The following AKAP3 variants were observed in gnomAD, a reference collection of about 807,000 sequenced individuals.
AKAP3 encodes the protein A-kinase anchoring protein 3.
Under a neutral mutation model 57.2 loss-of-function variants are expected in AKAP3, and 27 were observed. The observed-to-expected ratio is 0.47, with a 90% CI of 0.35 to 0.65. AKAP3 has a LOEUF of 0.65. AKAP3 is among the 30% of genes least tolerant of loss of function. AKAP3 has a pLI of 0.01. For synonymous variants in AKAP3, 334 were observed against 392.3 expected (o/e 0.85, Z 1.76); for missense variants, 959 against 1,040.0 (o/e 0.92, Z 1.07).
chr12:4,632,904 T>C (rs1257421781), intron 4 of AKAP3, among the ~76,000 whole-genome samples: 4 of 152,254 alleles, frequency 2.6e-5, no homozygotes, highest in African/African-American at 9.6e-5. Flanking sequence ...CCTCCCAAAG[T>C]GCTGGGATTA....
At chr12:4,636,776 A>G (rs10774252) in intron 4 of AKAP3, among the ~76,000 whole-genome samples, 37,666 of 152,068 alleles carry the variant, frequency 0.25, 5,543 homozygotes, top group South Asian at 0.43. Flanking sequence ...TTTTGAGACA[A>G]GGTCTCACTG....
At position 4,628,322 on chromosome 12, in the gene AKAP3, T is replaced by C. The variant is rs139111565; in HGVS notation, c.580A>G (p.Lys194Glu). ...ACTCTGTCTCCAGAGCCAGGAGCCT[T>C]GTCTGGGGCAGCATTCCTGGAACAT... ...SACSRNAAPD[K>E]APGSGDRVSG... The change falls in exon 5 of 6, where the codon AAG becomes GAG. Residue 194 changes from lysine to glutamate, a missense_variant. Physicochemically the swap from Lys to Glu is moderately conservative, Grantham distance 56. Coordinates refer to ENST00000228850, the MANE Select transcript of AKAP3 (RefSeq NM_001278309.2). 79 of 1,614,056 alleles carry C rather than the reference T, an allele frequency of 4.9e-5. 1 individual carries two copies. The African/African-American group carries it at 8.8e-4, about 18-fold the overall frequency.
rs374071910 is a variant in AKAP3, at chr12:4,627,981, T to C, written c.921A>G (p.Gln307=). The C allele has an allele frequency of 7.2e-5, 117 of 1,613,938 alleles. No homozygotes were observed. Among genetic ancestry groups the C allele is most frequent in the Non-Finnish European group, 9.6e-5 (113 of 1,180,002 alleles). The change falls in exon 5 of 6, where the codon CAA becomes CAG. Residue 307 remains glutamine, a synonymous_variant. Coordinates refer to ENST00000228850, the MANE Select transcript of AKAP3 (RefSeq NM_001278309.2). ...MVSIMKTLKI[Q]VKDTTIATIL... Reference sequence around the variant, plus strand: ...TGGTGGCAATGGTTGTGTCTTTCACTTGGATCTTCAGTGTCTTCATGATGG... The same window carrying C: ...TGGTGGCAATGGTTGTGTCTTTCACCTGGATCTTCAGTGTCTTCATGATGG...
intron 4 of AKAP3, among the ~76,000 whole-genome samples, chr12:4,636,957 G>C (rs1004269864): frequency 6.6e-6 from 1 of 151,890 alleles, no homozygotes; most frequent in Non-Finnish European, 1.5e-5. Flanking sequence ...TGTTGCCTGG[G>C]CTGGTCTCCA....
chr12:4,643,424 G>A (rs529871726), intron 2 of AKAP3, among the ~76,000 whole-genome samples: 1 of 151,970 alleles, frequency 6.6e-6, no homozygotes, highest in African/African-American at 2.4e-5. Flanking sequence ...TTAAAAGCTG[G>A]TAAATAATAT....
At chr12:4,619,968 A>G (rs1945326702) in intron 5 of AKAP3, among the ~76,000 whole-genome samples, 1 of 152,272 alleles carries the variant, frequency 6.6e-6, no homozygotes, top group African/African-American at 2.4e-5. Flanking sequence ...AGGCAAATTT[A>G]TAATGATGGA....
intron 3 of AKAP3, among the ~76,000 whole-genome samples, chr12:4,641,454 TC>T (rs1945636934): frequency 6.6e-6 from 1 of 152,212 alleles, no homozygotes. Flanking sequence ...CCTCAAGTGA[TC>T]CGCCAGCCTT....
At chr12:4,642,612 C>T (rs1382836492) in intron 2 of AKAP3, among the ~76,000 whole-genome samples, 1 of 152,190 alleles carries the variant, frequency 6.6e-6, no homozygotes, top group Non-Finnish European at 1.5e-5. Flanking sequence ...TCAAGGGCTA[C>T]CCCATCCATG....
In AKAP3 at chr12:4,627,030, T is replaced by C; in HGVS notation, c.1872A>G (p.Glu624=). Residue 624 remains glutamate, a synonymous_variant, in exon 5 of 6, where the codon GAA becomes GAG. Transcript: ENST00000228850. The part of the protein sequence containing the change: ...EPKVPEQPVK[E]DRKLCERPLA... ...ACGGTCTTTCACACAACTTCCTATC[T>C]TCCTTAACTGGCTGTTCCGGCACCT... is the stretch of plus-strand genomic sequence containing the variant. 1 of 1,614,026 alleles carries C rather than the reference T, an allele frequency of 6.2e-7. No homozygotes were observed. Among genetic ancestry groups the C allele is most frequent in the African/African-American group, 1.3e-5 (1 of 75,036 alleles).
intron 5 of AKAP3, among the ~76,000 whole-genome samples, chr12:4,619,555 T>C (rs1245714163): frequency 1.3e-5 from 2 of 151,316 alleles, no homozygotes; most frequent in African/African-American, 4.9e-5. Flanking sequence ...AGACCCTGTC[T>C]CAAAAACAAC....
Position 4,628,690 on chromosome 12 carries a change from G to T in AKAP3, c.212C>A (p.Thr71Lys). 6.2e-7 allele frequency: 1 copy of T among 1,614,150 alleles called. No individual in the cohort carries two copies. Residue 71 changes from threonine to lysine, a missense_variant, in exon 5 of 6, where the codon ACG becomes AAG. Coordinates refer to ENST00000228850, the MANE Select transcript of AKAP3 (RefSeq NM_001278309.2). ...TTTGTGTGGGTCTCCTGAGTTGGAC[G>T]TTTCCCCACCAAATGATTCTCCGGG... is the stretch of plus-strand genomic sequence containing the variant. ...FKPGESFGGE[T>K]SNSGDPHKGF...
At position 4,628,139 on chromosome 12, in the gene AKAP3, T is replaced by C. The variant is rs1945448558; in HGVS notation, c.763A>G (p.Arg255Gly). 3.1e-6 allele frequency: 5 copies of C among 1,614,174 alleles called. No individual in the cohort carries two copies. In the East Asian group the frequency reaches 8.9e-5, roughly 29 times the overall value. ...VFESRNGDYA[R>G]EGGRFFPRER... is the part of the protein sequence containing the mutation. The stretch of plus-strand genomic sequence containing the variant: ...CGAGGAAAGAACCTTCCACCCTCTC[T>C]GGCATAATCTCCATTACGAGATTCA... The change falls in exon 5 of 6, where the codon AGA becomes GGA. Residue 255 changes from arginine (R) to glycine (G), a missense_variant. Physicochemically the swap from Arg to Gly is moderately radical, Grantham distance 125. Coordinates refer to ENST00000228850, the MANE Select transcript of AKAP3 (RefSeq NM_001278309.2).
Position 4,641,062 on chromosome 12 carries a change from C to CTTTT in AKAP3, c.-1+833_-1+836dup, listed in dbSNP as rs374817430. ...TCTCTGAGACAGATTTTCTAACTTC[C>CTTTT]TTTTTTTTTTTTTTTTTTTTTTTTT... On this transcript the variant is annotated intron_variant, in intron 3 of 5. Coordinates refer to ENST00000228850, the MANE Select transcript of AKAP3 (RefSeq NM_001278309.2). 9.9e-4 allele frequency among the ~76,000 whole-genome samples: 68 copies of CTTTT among 68,714 alleles called. 6 individuals carry two copies. The highest frequency in any genetic ancestry group is 1.8e-3 in the Admixed American group (8 of 4,568). 45.1% of individuals were successfully genotyped at this position (68,714 alleles called of 152,430 possible).
At chr12:4,628,930 A>T in intron 4 of AKAP3, 125 bp from the exon 5 acceptor site, 1 of 955,052 alleles carries the variant, frequency 1.0e-6, no homozygotes, top group Non-Finnish European at 1.5e-6. Context: ...TGGCAATAAA[A>T]GTAACCATTT....
rs1473735740 is a variant in AKAP3 at position 4,627,665 on chromosome 12, C to T, written c.1237G>A (p.Gly413Ser). 6.2e-7 allele frequency: 1 copy of T among 1,614,010 alleles called. No homozygotes were observed. The highest frequency in any genetic ancestry group is 2.2e-5 in the East Asian group (1 of 44,876). The change falls in exon 5 of 6, where the codon GGT becomes AGT. Residue 413 changes from glycine (G) to serine (S), a missense_variant. By Grantham distance (56) the Gly-to-Ser change is moderately conservative. Transcript: ENST00000228850. ...TTCACATTTCGGTTTTTAGGATCAC[C>T]CATTCCTTTCATGGAGATGAGGGAA... ...SYSLISMKGMGDPKNRNVNFA... is the reference protein window; with the variant it reads ...SYSLISMKGMSDPKNRNVNFA...
chr12:4,623,086 C>T (rs1025939690), intron 5 of AKAP3, among the ~76,000 whole-genome samples: 4 of 152,032 alleles, frequency 2.6e-5, no homozygotes, highest in African/African-American at 9.7e-5. Context: ...CCATCTCACA[C>T]CAGTTAGAAT....
intron 4 of AKAP3, among the ~76,000 whole-genome samples, chr12:4,634,353 T>G (rs1389789802): frequency 1.3e-5 from 2 of 152,198 alleles, no homozygotes; most frequent in Non-Finnish European, 2.9e-5. Flanking sequence ...CATTGGCTGT[T>G]TTAGTAACTG....
In AKAP3 at chr12:4,638,132, G is replaced by C. The variant is rs766310352; in HGVS notation, c.65C>G (p.Pro22Arg). 6.2e-7 allele frequency: 1 copy of C among 1,613,926 alleles called. No homozygotes were observed. The highest frequency in any genetic ancestry group is 8.5e-7 in the Non-Finnish European group (1 of 1,179,898). Residue 22 changes from proline (P) to arginine (R), a missense_variant, in exon 4 of 6, where the codon CCT (proline) becomes CGT (arginine). Transcript: ENST00000228850. ...CCAGTCCTGGGCTTGGTTGTCTCCA[G>C]GAGAATAGACATCAACTTTGCATAC... ...NGVCKVDVYSPGDNQAQDWKM... is the reference protein window; with the variant it reads ...NGVCKVDVYSRGDNQAQDWKM...
intron 4 of AKAP3, chr12:4,635,775 C>T: frequency 2.8e-6 from 2 of 712,318 alleles, no homozygotes; most frequent in Non-Finnish European, 5.2e-6. Flanking sequence ...TCCTGTATTT[C>T]AAACTATACT....
Sources: gnomAD v4.1 joint callset for allele counts (sites outside exome capture counted in the v4.1 genomes callset) on GRCh38, gnomAD v4.1.1 for gene constraint, MANE v1.5 for transcripts, NCBI Gene and HGNC (gene_info 2026-07-23, HGNC 2026-07-21) for gene names.